The following ROR1 variants were observed in gnomAD, a reference collection of about 807,000 sequenced individuals.
ROR1 encodes the protein ROR family WNT receptor 1, also known as inactive tyrosine-protein kinase transmembrane receptor ROR1.
In ROR1, 19 loss-of-function variants were observed where a neutral mutation model predicts 78.8. That is an observed-to-expected ratio of 0.24 (90% confidence interval 0.17 to 0.35). ROR1 has a LOEUF of 0.35. Ranked by LOEUF, ROR1 falls within the 10% of genes least tolerant of loss-of-function variation. The pLI, the probability that ROR1 is intolerant of heterozygous loss-of-function variation, is 1.00. For synonymous variants in ROR1, 386 were observed against 433.6 expected (o/e 0.89, Z 1.36); for missense variants, 917 against 1,177.8 (o/e 0.78, Z 3.24).
intron 4 of ROR1, among the ~76,000 whole-genome samples, chr1:64,052,479 G>T (rs1225160570): frequency 6.6e-6 from 1 of 152,060 alleles, no homozygotes; most frequent in African/African-American, 2.4e-5. Context: ...ATCCTTCTAT[G>T]TTCTTCTTGA....
chr1:63,960,796 G>T (rs1284883026), intron 1 of ROR1, among the ~76,000 whole-genome samples: 11 of 152,296 alleles, frequency 7.2e-5, no homozygotes, highest in Admixed American at 2.6e-4. Flanking sequence ...AAAAGGATTA[G>T]GTTTTTGAGG....
chr1:64,133,253 G>A (rs1489110827), intron 4 of ROR1, among the ~76,000 whole-genome samples: 1 of 152,142 alleles, frequency 6.6e-6, no homozygotes, highest in Non-Finnish European at 1.5e-5. Flanking sequence ...TGTGGTTTGA[G>A]ACTAGCAAGA....
At chr1:64,066,635 T>C (rs989869328) in intron 4 of ROR1, 10 of 152,324 alleles carry the variant, frequency 6.6e-5, no homozygotes, top group African/African-American at 1.4e-4. Flanking sequence ...TTAAGCCACA[T>C]TTTTTAAAGG....
chr1:64,082,858 C>G (rs774654355), intron 4 of ROR1, among the ~76,000 whole-genome samples: 1 of 152,252 alleles, frequency 6.6e-6, no homozygotes, highest in Non-Finnish European at 1.5e-5. Flanking sequence ...CCTGCCTGCT[C>G]TTCTCTCTCT....
At chr1:63,820,883 G>GC (rs1251247138) in intron 1 of ROR1, among the ~76,000 whole-genome samples, 1 of 152,184 alleles carries the variant, frequency 6.6e-6, no homozygotes, top group African/African-American at 2.4e-5. Context: ...AGGTGGTACA[G>GC]CTAGGAAGTG....
At chr1:64,064,563 C>T (rs891969945) in intron 4 of ROR1, among the ~76,000 whole-genome samples, 1 of 152,226 alleles carries the variant, frequency 6.6e-6, no homozygotes, top group Non-Finnish European at 1.5e-5. Context: ...CAACAGCACT[C>T]ATACCCCAGA....
chr1:63,951,568 G>A (rs770825589), intron 1 of ROR1, among the ~76,000 whole-genome samples: 34 of 152,334 alleles, frequency 2.2e-4, no homozygotes, highest in Middle Eastern at 3.4e-3. Context: ...CTCTCACACA[G>A]AGGCAAAGGG....
intron 1 of ROR1, among the ~76,000 whole-genome samples, chr1:63,903,306 A>G (rs1018120987): frequency 6.6e-6 from 1 of 152,194 alleles, no homozygotes; most frequent in African/African-American, 2.4e-5. Context: ...TTCAGATTAA[A>G]GTATATTTTC....
chr1:63,846,340 C>T (rs1006278635), intron 1 of ROR1, among the ~76,000 whole-genome samples: 1 of 152,120 alleles, frequency 6.6e-6, no homozygotes, highest in Admixed American at 6.6e-5. Context: ...GCCACCTGCG[C>T]GGTCTCTGGC....
At chr1:64,139,718 AC>A (rs983142066) in intron 5 of ROR1, among the ~76,000 whole-genome samples, 7 of 152,232 alleles carry the variant, frequency 4.6e-5, no homozygotes, top group Non-Finnish European at 1.0e-4. Context: ...AGGCTCAGCC[AC>A]TGCGGAAACA....
At chr1:64,012,316 A>G (rs971679579) in intron 2 of ROR1, among the ~76,000 whole-genome samples, 2 of 152,214 alleles carry the variant, frequency 1.3e-5, no homozygotes, top group African/African-American at 4.8e-5. Context: ...ACAGAAATCT[A>G]TGAAGCACCT....
chr1:63,958,683 A>C (rs552238271), intron 1 of ROR1, among the ~76,000 whole-genome samples: 1 of 152,274 alleles, frequency 6.6e-6, no homozygotes, highest in Admixed American at 6.5e-5. Context: ...CTATGAAATC[A>C]TATCTTTCTG....
At chr1:64,139,211 T>C (rs188197433) in intron 5 of ROR1, among the ~76,000 whole-genome samples, 3 of 124,728 alleles carry the variant, frequency 2.4e-5, no homozygotes, top group Non-Finnish European at 3.5e-5. Context: ...TTGATGTAAA[T>C]AATTGGTAAC....
intron 1 of ROR1, among the ~76,000 whole-genome samples, chr1:63,813,422 A>G (rs577504889): frequency 3.4e-4 from 52 of 152,310 alleles, no homozygotes; most frequent in Middle Eastern, 3.4e-3. Flanking sequence ...ATGAATTAGT[A>G]CCTTCTAGCA....
At chr1:64,001,014 T>C (rs1447495464) in intron 1 of ROR1, among the ~76,000 whole-genome samples, 2 of 152,210 alleles carry the variant, frequency 1.3e-5, no homozygotes, top group Non-Finnish European at 2.9e-5. Context: ...TTTACAGGAA[T>C]GAATAATTTA....
chr1:63,984,894 C>G lies in ROR1; in HGVS notation c.92-24411C>G, dbSNP rs571445209. Among the ~76,000 whole-genome samples the G allele has an allele frequency of 3.9e-5, 6 of 152,294 alleles. No individual in the cohort carries two copies. In the East Asian group the frequency reaches 5.8e-4, roughly 15 times the overall value. On this transcript the variant is annotated intron_variant, in intron 1 of 8. Coordinates refer to ENST00000371079, the MANE Select transcript of ROR1 (RefSeq NM_005012.4). ...AAGTGAATTTTCCAACTAATCGAAG[C>G]ATTTCTCATTAAATGCCAAACAGTT...
intron 1 of ROR1, among the ~76,000 whole-genome samples, chr1:63,795,223 G>T (rs531818522): frequency 1.4e-4 from 22 of 152,328 alleles, no homozygotes; most frequent in African/African-American, 5.1e-4. Context: ...GGCTCTTGTG[G>T]CTTTGGAGCT....
chr1:64,050,026 G>C (rs1298697595), intron 3 of ROR1, 48 bp downstream of exon 3: 1 of 1,595,634 alleles, frequency 6.3e-7, no homozygotes, highest in East Asian at 2.2e-5. Flanking sequence ...AGCCCAATGT[G>C]GTAGGATGGC....
intron 1 of ROR1, among the ~76,000 whole-genome samples, chr1:63,869,381 A>T (rs1024559101): frequency 1.3e-5 from 2 of 152,208 alleles, no homozygotes; most frequent in East Asian, 1.9e-4. Flanking sequence ...CCTGCAGCTC[A>T]TTGTGACTGG....
Sources: gnomAD v4.1 joint callset for allele counts (sites outside exome capture counted in the v4.1 genomes callset) on GRCh38, gnomAD v4.1.1 for gene constraint, MANE v1.5 for transcripts, NCBI Gene and HGNC (gene_info 2026-07-23, HGNC 2026-07-21) for gene names.